DENND1A: variants seen among roughly 807,000 people sequenced by gnomAD.
The protein encoded by DENND1A is DENN domain-containing protein 1A.
In DENND1A, 51 loss-of-function variants were observed where a neutral mutation model predicts 113.7. The ratio of observed to expected loss-of-function variants is 0.45; its 90% confidence interval spans 0.36 to 0.57. DENND1A has a LOEUF of 0.57. Ranked by LOEUF, DENND1A falls within the 20% of genes least tolerant of loss-of-function variation. The pLI is 0.00. For missense variants in DENND1A, 1,258 were observed against 1,395.9 expected (o/e 0.90, Z 1.57); for synonymous variants, 565 against 570.8 (o/e 0.99, Z 0.14).
intron 13 of DENND1A, chr9:123,493,070 C>T (rs2051527855): frequency 6.6e-6 from 1 of 152,350 alleles, no homozygotes; most frequent in African/African-American, 2.4e-5. Flanking sequence ...GTAGGAGGGT[C>T]CTTCCCAGGA....
chr9:123,811,891 T>A (rs1342179128), intron 2 of DENND1A, among the ~76,000 whole-genome samples: 2 of 152,210 alleles, frequency 1.3e-5, no homozygotes, highest in Non-Finnish European at 1.5e-5. Flanking sequence ...TAATTGGACC[T>A]CTGAAATACA....
chr9:123,546,349 C>T (rs931813988), intron 13 of DENND1A, among the ~76,000 whole-genome samples: 1 of 151,830 alleles, frequency 6.6e-6, no homozygotes, highest in Non-Finnish European at 1.5e-5. Flanking sequence ...GAGATCAAGA[C>T]CATCCTGGCT....
At chr9:123,464,638 C>A (rs1696744902) in intron 13 of DENND1A, among the ~76,000 whole-genome samples, 2 of 152,054 alleles carry the variant, frequency 1.3e-5, no homozygotes, top group South Asian at 4.1e-4. Context: ...GACAAAAAAA[C>A]TTCTGGAGAT....
chr9:123,486,338 G>A (rs1053343310), intron 13 of DENND1A, among the ~76,000 whole-genome samples: 1 of 152,098 alleles, frequency 6.6e-6, no homozygotes, highest in Admixed American at 6.5e-5. Flanking sequence ...GGAACACTGT[G>A]CTCTTAGATG....
intron 13 of DENND1A, among the ~76,000 whole-genome samples, chr9:123,538,784 A>G (rs9777636): frequency 9.7e-4 from 100 of 102,916 alleles, no homozygotes; most frequent in Non-Finnish European, 1.6e-3. Flanking sequence ...GTGTGTGTGT[A>G]TGAATCCAAA....
chr9:123,625,644 A>G (rs1304975840), intron 10 of DENND1A, among the ~76,000 whole-genome samples: 2 of 152,188 alleles, frequency 1.3e-5, no homozygotes, highest in Non-Finnish European at 2.9e-5. Flanking sequence ...CTAGGCAGGC[A>G]GAGGCAGGAG....
chr9:123,828,639 C>CAAAAAAAAAAAA (rs59346883), intron 2 of DENND1A, among the ~76,000 whole-genome samples: 3 of 116,010 alleles, frequency 2.6e-5, no homozygotes, highest in Non-Finnish European at 5.7e-5. Flanking sequence ...TAAAAGTAGC[C>CAAAAAAAAAAAA]AAAAAAAAAA....
intron 13 of DENND1A, among the ~76,000 whole-genome samples, chr9:123,553,883 G>C (rs941366705): frequency 6.6e-6 from 1 of 152,132 alleles, no homozygotes; most frequent in Admixed American, 6.6e-5. Context: ...TCAGCCTCCT[G>C]AGTAGCTGGG....
intron 21 of DENND1A, 134 bp downstream of exon 21, chr9:123,403,268 C>A: frequency 3.7e-6 from 3 of 807,294 alleles, no homozygotes; most frequent in East Asian, 5.4e-5. Flanking sequence ...CCCTGAATGA[C>A]CCCTTTGTGA....
intron 3 of DENND1A, among the ~76,000 whole-genome samples, chr9:123,771,486 C>G (rs1362188599): frequency 6.6e-6 from 1 of 152,196 alleles, no homozygotes; most frequent in Non-Finnish European, 1.5e-5. Flanking sequence ...AGTGCTCACT[C>G]ATTGCCAATA....
chr9:123,455,622 C>T (rs2048059071), intron 15 of DENND1A, among the ~76,000 whole-genome samples: 1 of 152,192 alleles, frequency 6.6e-6, no homozygotes, highest in South Asian at 2.1e-4. Context: ...GTGAGGGGCA[C>T]CAGAACAGGA....
rs2063725579 is a variant in DENND1A, at chr9:123,670,754, T to C, written c.453+537A>G. Reference sequence around the variant, plus strand: ...GGGTGTAACTAAGTACCACAAAGTGTGCAAGATGCTTCGAGCAAAGGAGGT... The same window carrying C: ...GGGTGTAACTAAGTACCACAAAGTGCGCAAGATGCTTCGAGCAAAGGAGGT... On this transcript the variant is annotated intron_variant, in intron 7 of 23. Coordinates refer to ENST00000394215, the MANE Select transcript of DENND1A (RefSeq NM_001352964.2). Among the ~76,000 whole-genome samples the C allele has an allele frequency of 5.9e-5, 9 of 152,304 alleles. No individual in the cohort carries two copies. In the South Asian group the frequency reaches 1.9e-3, roughly 32 times the overall value.
chr9:123,825,702 G>A (rs1255959446), intron 2 of DENND1A, among the ~76,000 whole-genome samples: 2 of 152,244 alleles, frequency 1.3e-5, no homozygotes, highest in Non-Finnish European at 2.9e-5. Context: ...ATCTAATTCT[G>A]TAAGAGTGTA....
Position 123,711,505 on chromosome 9 carries a change from GTATATATGTATATATATATATATATA to G in DENND1A, c.303-34742_303-34717del, listed in dbSNP as rs1481951464. ...TTAAAAAATATATATATATATATATGTATATATGTATATATATATATATATATATATATAAATTCAACAAAGCAATG... is the reference window on the plus strand; with the variant it reads ...TTAAAAAATATATATATATATATATGTATATATAAATTCAACAAAGCAATG... On this transcript the variant is annotated intron_variant, in intron 5 of 23. Transcript: ENST00000394215. Among the ~76,000 whole-genome samples, 19 of 62,560 alleles carry G rather than the reference GTATATATGTATATATATATATATATA, an allele frequency of 3.0e-4. No individual in the cohort carries two copies. The Admixed American group carries it at 3.1e-3, about 10-fold the overall frequency. 41.0% of individuals were successfully genotyped at this position (62,560 alleles called of 152,430 possible).
intron 2 of DENND1A, among the ~76,000 whole-genome samples, chr9:123,825,667 A>C (rs979654314): frequency 2.6e-5 from 4 of 152,282 alleles, no homozygotes; most frequent in African/African-American, 9.6e-5. Flanking sequence ...CATATCTTAA[A>C]AGCCAATATA....
chr9:123,618,830 C>G (rs919582862), intron 10 of DENND1A, among the ~76,000 whole-genome samples: 2 of 152,202 alleles, frequency 1.3e-5, no homozygotes, highest in African/African-American at 4.8e-5. Flanking sequence ...TTCCGGGGTG[C>G]CTCTAGAGGG....
intron 20 of DENND1A, among the ~76,000 whole-genome samples, chr9:123,406,834 C>A (rs753823743): frequency 6.6e-6 from 1 of 152,094 alleles, no homozygotes; most frequent in Non-Finnish European, 1.5e-5. Context: ...CCCCGCGGGG[C>A]CCCGGGGCAG....
chr9:123,838,749 T>C (rs1419917254), intron 2 of DENND1A, among the ~76,000 whole-genome samples: 2 of 152,194 alleles, frequency 1.3e-5, no homozygotes, highest in African/African-American at 4.8e-5. Context: ...GATCCAATTA[T>C]GGATTTAGAC....
chr9:123,754,109 G>T lies in DENND1A; in HGVS notation c.302+3594C>A, dbSNP rs890567025. ...AGTTTATGAGCAGACTTGAGCCACA[G>T]CCCTGGGCACACTGTGAAGGGTGAT... On this transcript the variant is annotated intron_variant, in intron 5 of 23. Transcript: ENST00000394215. Among the ~76,000 whole-genome samples the T allele has an allele frequency of 3.9e-5, 6 of 152,210 alleles. No homozygotes were observed. In the South Asian group the frequency reaches 1.2e-3, roughly 32 times the overall value.
Sources: gnomAD v4.1 joint callset for allele counts (sites outside exome capture counted in the v4.1 genomes callset) on GRCh38, gnomAD v4.1.1 for gene constraint, MANE v1.5 for transcripts, NCBI Gene and HGNC (gene_info 2026-07-23, HGNC 2026-07-21) for gene names.